Variants in ADCY8 observed in about 807,000 individuals in gnomAD.
ADCY8 encodes adenylate cyclase 8, also known as adenylate cyclase type 8.
Under a neutral mutation model 119.7 loss-of-function variants are expected in ADCY8, and 51 were observed. That is an observed-to-expected ratio of 0.43 (90% CI 0.34 to 0.54). The LOEUF (loss-of-function observed/expected upper bound fraction) is 0.54. Among genes scored for constraint, ADCY8 ranks in the 20% least tolerant of loss-of-function variants. ADCY8 has a pLI of 0.03. For missense variants in ADCY8, 1,383 were observed against 1,598.8 expected (o/e 0.87, Z 2.30); for synonymous variants, 665 against 651.0 (o/e 1.02, Z -0.33).
chr8:131,035,668 C>T (rs1293372159), intron 1 of ADCY8, among the ~76,000 whole-genome samples: 1 of 152,120 alleles, frequency 6.6e-6, no homozygotes, highest in Admixed American at 6.5e-5. Context: ...ATTCTCATAG[C>T]TTAGATTAAA....
chr8:130,903,393 G>A (rs1675177286), intron 7 of ADCY8, among the ~76,000 whole-genome samples: 1 of 151,596 alleles, frequency 6.6e-6, no homozygotes, highest in African/African-American at 2.4e-5. Flanking sequence ...TACCGAAAAA[G>A]GGGCATTCCC....
At chr8:130,782,350 G>T (rs1815109627) in intron 17 of ADCY8, among the ~76,000 whole-genome samples, 2 of 152,104 alleles carry the variant, frequency 1.3e-5, no homozygotes, top group African/African-American at 4.8e-5. Context: ...AGGTAGAGAG[G>T]CAGAGGAGGT....
intron 9 of ADCY8, among the ~76,000 whole-genome samples, chr8:130,850,703 C>T (rs2130320263): frequency 6.6e-6 from 1 of 152,244 alleles, no homozygotes; most frequent in South Asian, 2.1e-4. Context: ...GAGGTTTATT[C>T]ATCTGGCATT....
intron 2 of ADCY8, among the ~76,000 whole-genome samples, chr8:130,956,458 G>A (rs1403715491): frequency 1.3e-5 from 2 of 152,112 alleles, no homozygotes; most frequent in African/African-American, 4.8e-5. Flanking sequence ...CAAATTTGAG[G>A]GTAAATCTCA....
At chr8:130,927,372 C>T (rs900754500) in intron 5 of ADCY8, among the ~76,000 whole-genome samples, 2 of 152,094 alleles carry the variant, frequency 1.3e-5, no homozygotes, top group Admixed American at 6.5e-5. Context: ...AAAAATATAC[C>T]TGTTGGCTTG....
At chr8:130,868,383 C>G (rs935095697) in intron 8 of ADCY8, among the ~76,000 whole-genome samples, 1 of 152,046 alleles carries the variant, frequency 6.6e-6, no homozygotes, top group African/African-American at 2.4e-5. Flanking sequence ...AAAATAAATT[C>G]TCAGGCTCTT....
intron 8 of ADCY8, among the ~76,000 whole-genome samples, chr8:130,874,563 G>A (rs577873558): frequency 6.6e-6 from 1 of 152,160 alleles, no homozygotes; most frequent in African/African-American, 2.4e-5. Context: ...GAACAAATGT[G>A]GATTTAATCA....
At chr8:130,810,279 C>T (rs1214524705) in intron 14 of ADCY8, among the ~76,000 whole-genome samples, 2 of 151,974 alleles carry the variant, frequency 1.3e-5, no homozygotes, top group Non-Finnish European at 2.9e-5. Context: ...TCTTGCCGGC[C>T]ACTACAGTCC....
chr8:130,791,009 A>G (rs1273391097), intron 15 of ADCY8, among the ~76,000 whole-genome samples: 1 of 152,210 alleles, frequency 6.6e-6, no homozygotes, highest in Admixed American at 6.5e-5. Flanking sequence ...TGGGAACAGC[A>G]TGGGCCAACG....
chr8:130,963,439 C>A (rs1416590154), intron 2 of ADCY8, among the ~76,000 whole-genome samples: 1 of 152,118 alleles, frequency 6.6e-6, no homozygotes, highest in Non-Finnish European at 1.5e-5. Context: ...GGGGAACAGT[C>A]AATACTGAGG....
intron 5 of ADCY8, among the ~76,000 whole-genome samples, chr8:130,931,627 T>C (rs1166477653): frequency 3.3e-5 from 5 of 152,166 alleles, no homozygotes; most frequent in Non-Finnish European, 5.9e-5. Flanking sequence ...GCTTTCTTTA[T>C]ACTTCTTTAT....
Position 130,937,130 on chromosome 8 carries a change from C to A in ADCY8, c.1424G>T (p.Arg475Leu). Reference sequence around the variant, plus strand: ...AACACAGCAGTGGGCATGGTCCTGGCGGGGCTCAGGAAGTCCAGACACGCA... The same window carrying A: ...AACACAGCAGTGGGCATGGTCCTGGAGGGGCTCAGGAAGTCCAGACACGCA... ...YYCVSGLPEPRQDHAHCCVEM... is the reference protein window; with the variant it reads ...YYCVSGLPEPLQDHAHCCVEM... The change falls in exon 5 of 18, where the codon CGC becomes CTC. Residue 475 changes from arginine to leucine, a missense_variant. Around this residue, in one of 2 missense-constraint regions of ADCY8, gnomAD observed 928 missense variants for 1,163.5 expected, o/e 0.80. Coordinates refer to ENST00000286355, the MANE Select transcript of ADCY8 (RefSeq NM_001115.3). The A allele has an allele frequency of 6.2e-7, 1 of 1,613,712 alleles. No homozygotes were observed. The highest frequency in any genetic ancestry group is 1.3e-5 in the African/African-American group (1 of 74,972).
intron 4 of ADCY8, among the ~76,000 whole-genome samples, chr8:130,942,238 G>T (rs949852315): frequency 2.6e-5 from 4 of 152,190 alleles, no homozygotes; most frequent in Non-Finnish European, 5.9e-5. Flanking sequence ...TTGCACGTAA[G>T]AGTGGATAAT....
At chr8:130,807,711 G>A (rs528385648) in intron 14 of ADCY8, among the ~76,000 whole-genome samples, 117 of 152,054 alleles carry the variant, frequency 7.7e-4, no homozygotes, top group African/African-American at 2.4e-3. Context: ...ATCGCCGGGC[G>A]CGGTGGCTCA....
At chr8:130,999,321 C>T (rs539763376) in intron 1 of ADCY8, among the ~76,000 whole-genome samples, 2 of 152,288 alleles carry the variant, frequency 1.3e-5, no homozygotes, top group South Asian at 2.1e-4. Context: ...AGATTCCCTC[C>T]TCACTTTCCC....
At chr8:130,843,247 C>T (rs1817201319) in intron 11 of ADCY8, among the ~76,000 whole-genome samples, 1 of 152,190 alleles carries the variant, frequency 6.6e-6, no homozygotes, top group South Asian at 2.1e-4. Context: ...CTTTCTCAGT[C>T]TGACTGGTGG....
intron 1 of ADCY8, among the ~76,000 whole-genome samples, chr8:131,031,412 C>A (rs1015237171): frequency 2.0e-5 from 3 of 152,190 alleles, no homozygotes; most frequent in African/African-American, 7.2e-5. Context: ...TATTTAAAGG[C>A]AGTCACCATA....
intron 1 of ADCY8, among the ~76,000 whole-genome samples, chr8:131,010,166 A>G (rs1823256039): frequency 6.6e-6 from 1 of 152,190 alleles, no homozygotes; most frequent in Admixed American, 6.5e-5. Context: ...CCAATTCTGA[A>G]CCTCACAATA....
chr8:131,018,889 G>T (rs528202834), intron 1 of ADCY8, among the ~76,000 whole-genome samples: 1 of 152,324 alleles, frequency 6.6e-6, no homozygotes, highest in East Asian at 1.9e-4. Flanking sequence ...GAAGGGCATG[G>T]TTAGGAGGAG....
Sources: allele counts gnomAD v4.1 joint callset (sites outside exome capture counted in the v4.1 genomes callset), GRCh38; gene constraint gnomAD v4.1.1; regional missense constraint gnomAD v4.1.1; transcripts MANE v1.5; gene names NCBI Gene and HGNC (gene_info 2026-07-23, HGNC 2026-07-21).